Variants in MPP2 observed in about 807,000 individuals in gnomAD.
The protein encoded by MPP2 is MAGUK p55 scaffold protein 2.
Under a neutral mutation model 58.5 loss-of-function variants are expected in MPP2, and 42 were observed. That is an observed-to-expected ratio of 0.72 (90% CI 0.56 to 0.93). MPP2 has a LOEUF of 0.93. Ranked by LOEUF, MPP2 falls within the 40% of genes least tolerant of loss-of-function variation. The pLI is 0.00. For missense variants in MPP2, 632 were observed against 760.4 expected, an observed-to-expected ratio of 0.83 and a Z score of 1.99; for synonymous variants, 300 against 307.8, an observed-to-expected ratio of 0.97 and a Z score of 0.26.
upstream of MPP2, chr17:43,909,594 G>A (rs2048385960): frequency 4.0e-6 from 6 of 1,486,664 alleles, no homozygotes; most frequent in South Asian, 7.9e-5. Flanking sequence ...CCTCAGGACA[G>A]TCTGGGATCT....
In MPP2 at chr17:43,879,179, T is replaced by C; in HGVS notation, c.1482+96A>G. ...GATAACTGGAGCAGGCCCCTGTCCC[T>C]CCCCAACACCACCTCCTTCTCTCTG... On this transcript the variant is annotated intron_variant, in intron 12 of 12. Transcript: ENST00000269095. This position sits in a 1 kb window ranked among gnomAD's most constrained non-coding sequence, Gnocchi z 4.1. The C allele has an allele frequency of 2.1e-6, 3 of 1,463,246 alleles. No homozygotes were observed. The highest frequency in any genetic ancestry group is 2.8e-6 in the Non-Finnish European group (3 of 1,075,304). The allele number at this position is 1,463,246 out of a possible 1,614,324, so 90.6% of individuals were successfully genotyped here.
At chr17:43,904,878 G>A (rs971417545) in intron 1 of MPP2, among the ~76,000 whole-genome samples, 13 of 152,060 alleles carry the variant, frequency 8.5e-5, no homozygotes, top group Non-Finnish European at 1.5e-4. Flanking sequence ...ATTTTTAGAG[G>A]GTAAGACTAT....
chr17:43,909,545 C>T (rs192790484), upstream of MPP2: 94 of 1,448,588 alleles, frequency 6.5e-5, 2 homozygotes, highest in Admixed American at 1.7e-3. Context: ...TTATTACCTC[C>T]ATAGCGACCC....
chr17:43,901,273 G>A, intron 2 of MPP2: 1 of 985,406 alleles, frequency 1.0e-6, no homozygotes, highest in African/African-American at 1.7e-5. Flanking sequence ...TGGTGCCCCA[G>A]CCCTGCTTAC....
intron 2 of MPP2, among the ~76,000 whole-genome samples, 172 bp from the exon 3 acceptor site, chr17:43,898,552 G>C (rs1179473368): frequency 3.5e-5 from 5 of 144,558 alleles, no homozygotes; most frequent in Non-Finnish European, 6.1e-5. Context: ...TGAATGCCTG[G>C]GACAGGGATC....
At chr17:43,878,223 T>C (rs2046933832) in intron 12 of MPP2, among the ~76,000 whole-genome samples, 1 of 152,212 alleles carries the variant, frequency 6.6e-6, no homozygotes, top group East Asian at 1.9e-4. Context: ...CTAAATGCTT[T>C]GCATGCCACA....
At position 43,879,337 on chromosome 17, in the gene MPP2, C is replaced by T. The variant is rs748363050; in HGVS notation, c.1420G>A (p.Glu474Lys). The change falls in exon 12 of 13, where the codon GAG (glutamate) becomes AAG (lysine). Residue 474 changes from glutamate to lysine, a missense_variant. Glu to Lys is a moderately conservative substitution (Grantham distance 56, BLOSUM62 1). Coordinates refer to ENST00000269095, the MANE Select transcript of MPP2 (RefSeq NM_005374.5). The surrounding 1 kb of genome is among the most constrained non-coding windows in gnomAD (Gnocchi z 4.1). ...YVVFIEAPDF[E>K]TLRAMNRAAL... ...GCCCTGTTCATGGCCCGCAGGGTCTCGAAGTCTGGGGCCTCGATGAACACC... is the reference window on the plus strand; with the variant it reads ...GCCCTGTTCATGGCCCGCAGGGTCTTGAAGTCTGGGGCCTCGATGAACACC... The T allele has an allele frequency of 2.5e-6, 4 of 1,613,976 alleles. No individual in the cohort carries two copies. The highest frequency in any genetic ancestry group is 2.5e-6 in the Non-Finnish European group (3 of 1,179,998).
Position 43,880,872 on chromosome 17 carries a change from G to C in MPP2, c.989-20C>G. On this transcript the variant is annotated intron_variant, in intron 9 of 12. Transcript: ENST00000269095. The surrounding 1 kb of genome is among the most constrained non-coding windows in gnomAD (Gnocchi z 5.2). ...CAAACTCTGGACACAGGGAGATGGC[G>C]CTGCTCACCAGGCTGCACGGTGAGG... 3 of 1,585,082 alleles carry C rather than the reference G, an allele frequency of 1.9e-6. No homozygotes were observed. Among genetic ancestry groups the C allele is most frequent in the Non-Finnish European group, 2.6e-6 (3 of 1,162,720 alleles).
In MPP2 at chr17:43,907,515, A is replaced by C. The variant is rs2048340255; in HGVS notation, c.-75T>G. 1 of 985,408 alleles carries C rather than the reference A, an allele frequency of 1.0e-6. No homozygotes were observed. The highest frequency in any genetic ancestry group is 1.7e-5 in the African/African-American group (1 of 57,268). 61.0% of individuals were successfully genotyped at this position (985,408 alleles called of 1,614,324 possible). ...CCCTAGCTCCGGGCGGCTCCAGCGCAGCCGGGCGCTCAGCGTTTATTGCTT... is the reference window on the plus strand; with the variant it reads ...CCCTAGCTCCGGGCGGCTCCAGCGCCGCCGGGCGCTCAGCGTTTATTGCTT... On this transcript the variant is annotated 5_prime_UTR_variant, in exon 1 of 13. Transcript: ENST00000269095.
At chr17:43,878,061 C>T in intron 12 of MPP2, 78 bp from the exon 13 acceptor site, 1 of 1,457,214 alleles carries the variant, frequency 6.9e-7, no homozygotes, top group Non-Finnish European at 9.2e-7. Flanking sequence ...TACAGCTGCC[C>T]CCACTCCCCC....
chr17:43,902,429 G>A (rs1376006064), intron 2 of MPP2, among the ~76,000 whole-genome samples: 1 of 152,200 alleles, frequency 6.6e-6, no homozygotes, highest in African/African-American at 2.4e-5. Flanking sequence ...CAGGCTCAGG[G>A]GTGGGTTTAA....
chr17:43,883,082 T>G, intron 4 of MPP2, 30 bp from the exon 5 acceptor site: 1 of 1,593,108 alleles, frequency 6.3e-7, no homozygotes, highest in Non-Finnish European at 8.6e-7. Context: ...GAAGGGACAA[T>G]GGGGCAGTGT....
intron 2 of MPP2, among the ~76,000 whole-genome samples, chr17:43,899,513 T>C (rs964342859): frequency 6.6e-6 from 1 of 152,070 alleles, no homozygotes; most frequent in Non-Finnish European, 1.5e-5. Context: ...TTCCTGCCTG[T>C]AAAATGGATG....
rs2047707981 is a variant in MPP2, at chr17:43,893,876, CTATCTA to C, written c.150+4380_150+4385del. 2.0e-5 allele frequency among the ~76,000 whole-genome samples: 3 copies of C among 152,316 alleles called. No homozygotes were observed. In the East Asian group the frequency reaches 5.8e-4, roughly 29 times the overall value. ...GCAGTTCAAATGAATCTCCCTATCT[CTATCTA>C]TATCTATACTTAGGTCGATAGCTGT... On this transcript the variant is annotated intron_variant, in intron 3 of 12. Transcript: ENST00000269095.
rs1185070314 is a variant in MPP2 at position 43,881,234 on chromosome 17, G to A, written c.919+10C>T. 5 of 1,611,482 alleles carry A rather than the reference G, an allele frequency of 3.1e-6. No homozygotes were observed. Among genetic ancestry groups the A allele is most frequent in the Middle Eastern group, 1.7e-4 (1 of 6,058 alleles). Reference sequence around the variant, plus strand: ...CAGATTGGAGGTGTGGGGTAGGGGGGACCTCCTACCTGAGTTTGGTGTCAG... The same window carrying A: ...CAGATTGGAGGTGTGGGGTAGGGGGAACCTCCTACCTGAGTTTGGTGTCAG... On this transcript the variant is annotated intron_variant, in intron 8 of 12. Coordinates refer to ENST00000269095, the MANE Select transcript of MPP2 (RefSeq NM_005374.5).
chr17:43,893,885 T>A (rs1230082686), intron 3 of MPP2, among the ~76,000 whole-genome samples: 1 of 152,156 alleles, frequency 6.6e-6, no homozygotes, highest in East Asian at 1.9e-4. Flanking sequence ...TCTATCTATA[T>A]CTATACTTAG....
chr17:43,878,583 G>T (rs1404400112), intron 12 of MPP2, among the ~76,000 whole-genome samples: 1 of 152,208 alleles, frequency 6.6e-6, no homozygotes, highest in Non-Finnish European at 1.5e-5. Flanking sequence ...TGCCCAGAAT[G>T]GGGATCAGGC....
rs75640215 is a variant in MPP2, at chr17:43,880,144, C to A, written c.1151-160G>T. On this transcript the variant is annotated intron_variant, in intron 10 of 12. Transcript: ENST00000269095. The surrounding 1 kb of genome is among the most constrained non-coding windows in gnomAD (Gnocchi z 5.2). ...GCTGCCTTTGCACACACCTGCCCCCCACTCTCCCCATTGGCACACACAGAG... is the reference window on the plus strand; with the variant it reads ...GCTGCCTTTGCACACACCTGCCCCCAACTCTCCCCATTGGCACACACAGAG... Among the ~76,000 whole-genome samples the A allele has an allele frequency of 5.3e-5, 8 of 152,118 alleles. No individual in the cohort carries two copies. Among genetic ancestry groups the A allele is most frequent in the Admixed American group, 5.2e-4 (8 of 15,274 alleles).
At chr17:43,909,437 T>C, upstream of MPP2, 1 of 618,312 alleles carries the variant, frequency 1.6e-6, no homozygotes, top group Non-Finnish European at 2.4e-6. Flanking sequence ...CACTGTCACC[T>C]GTCCACCTCT....
Sources: gnomAD v4.1 joint callset for allele counts (sites outside exome capture counted in the v4.1 genomes callset) on GRCh38, gnomAD v4.1.1 for gene constraint, Gnocchi (gnomAD v3.1) non-coding constraint, MANE v1.5 for transcripts, NCBI Gene and HGNC (gene_info 2026-07-23, HGNC 2026-07-21) for gene names.